KIAA1614: variants seen among roughly 807,000 people sequenced by gnomAD.
KIAA1614 encodes the protein uncharacterized protein KIAA1614.
KIAA1614 carries 76 observed loss-of-function variants against 88.7 expected under a neutral mutation model. That is an observed-to-expected ratio of 0.86 (90% CI 0.71 to 1.04). The LOEUF (loss-of-function observed/expected upper bound fraction) is 1.04. Among genes scored for constraint, KIAA1614 ranks in the 50% least tolerant of loss-of-function variants. The probability of loss-of-function intolerance (pLI) is 0.00; values close to 1 mark genes in which losing one functional copy is unlikely to be tolerated. For synonymous variants in KIAA1614, 714 were observed against 675.5 expected (o/e 1.06, Z -0.88); for missense variants, 1,553 against 1,582.5 (o/e 0.98, Z 0.32).
Position 180,916,837 on chromosome 1 carries a change from C to G in KIAA1614, c.734C>G (p.Pro245Arg). ...SPRTGRSYPF[P>R]DGVVTEADLD... ...AGGACAGGAAGGTCCTACCCTTTTC[C>G]AGATGGCGTGGTGACAGAGGCAGAT... The change falls in exon 2 of 9, where the codon CCA becomes CGA. Residue 245 changes from proline (P) to arginine (R), a missense_variant. By Grantham distance (103) the Pro-to-Arg change is moderately radical. Coordinates refer to ENST00000367588, the MANE Select transcript of KIAA1614 (RefSeq NM_020950.2). 6.2e-7 allele frequency: 1 copy of G among 1,614,222 alleles called. No homozygotes were observed. Among genetic ancestry groups the G allele is most frequent in the Non-Finnish European group, 8.5e-7 (1 of 1,180,044 alleles).
In KIAA1614 at chr1:180,941,099, C is replaced by G. The variant is rs1028980944; in HGVS notation, c.2973C>G (p.Asp991Glu). 1.9e-6 allele frequency: 3 copies of G among 1,588,884 alleles called. No homozygotes were observed. The highest frequency in any genetic ancestry group is 2.6e-6 in the Non-Finnish European group (3 of 1,165,982). The change falls in exon 7 of 9, where the codon GAC becomes GAG. Residue 991 changes from aspartate to glutamate, a missense_variant. Transcript: ENST00000367588. ...GCTCCCCCTCGGCTGCCCCTTTGGA[C>G]CAGAACAAGAAAAGGAGCAGCAGCA... ...GPGSPSAAPL[D>E]QNKKRSSSIA...
rs755011590 is a variant in KIAA1614, at chr1:180,917,129, TG to T, written c.997+35del. 5.7e-6 allele frequency: 9 copies of T among 1,575,306 alleles called. No individual in the cohort carries two copies. In the South Asian group the frequency reaches 6.8e-5, roughly 12 times the overall value. ...AAGCTCACTGTGTAGGTCCAGGTGG[TG>T]GGGGGAGCAGGAGGGAATCCAGAGG... On this transcript the variant is annotated intron_variant, in intron 2 of 8. Coordinates refer to ENST00000367588, the MANE Select transcript of KIAA1614 (RefSeq NM_020950.2).
rs1381407618 is a variant in KIAA1614, at chr1:180,917,933, C to T, written c.1061+19C>T. On this transcript the variant is annotated intron_variant, in intron 3 of 8. Coordinates refer to ENST00000367588, the MANE Select transcript of KIAA1614 (RefSeq NM_020950.2). ...AGAACAGGTAAGAGCTCAGAGCCCA[C>T]ATTTTCTCTCCCTCCCTCCTCACCA... The T allele has an allele frequency of 1.2e-6, 2 of 1,606,600 alleles. No homozygotes were observed. The highest frequency in any genetic ancestry group is 2.2e-5 in the East Asian group (1 of 44,844).
intron 8 of KIAA1614, 118 bp from the exon 9 acceptor site, chr1:180,945,185 C>T: frequency 1.6e-6 from 2 of 1,236,542 alleles, no homozygotes; most frequent in Non-Finnish European, 2.2e-6. Flanking sequence ...CAGCAGAACC[C>T]CAGCCTCCAA....
chr1:180,948,956 TAAA>T lies in KIAA1614; in HGVS notation c.*3370_*3372del, dbSNP rs1654667780. The stretch of plus-strand genomic sequence containing the variant: ...AAACCCACACTTCAGAGGCAGGCTT[TAAA>T]ACGCCTGACTTCTGTCAGGGCCACA... On this transcript the variant is annotated 3_prime_UTR_variant, in exon 9 of 9. Coordinates refer to ENST00000367588, the MANE Select transcript of KIAA1614 (RefSeq NM_020950.2). 1 of 152,258 alleles carries T rather than the reference TAAA, an allele frequency of 6.6e-6. No individual in the cohort carries two copies. Among genetic ancestry groups the T allele is most frequent in the African/African-American group, 2.4e-5 (1 of 41,472 alleles). 9.4% of individuals were successfully genotyped at this position (152,258 alleles called of 1,614,324 possible).
At chr1:180,915,525 T>C (rs1438683689) in intron 1 of KIAA1614, among the ~76,000 whole-genome samples, 2 of 152,248 alleles carry the variant, frequency 1.3e-5, no homozygotes, top group African/African-American at 4.8e-5. Flanking sequence ...TGCCCGTCTA[T>C]AAAATGGGGA....
chr1:180,917,186 G>A (rs1653836081), intron 2 of KIAA1614, 86 bp downstream of exon 2: 5 of 1,042,326 alleles, frequency 4.8e-6, no homozygotes, highest in Non-Finnish European at 5.7e-6. Flanking sequence ...GTCCCACAGA[G>A]GGAGTGGGGC....
Position 180,935,410 on chromosome 1 carries a change from G to T in KIAA1614, c.1501G>T (p.Ala501Ser). Residue 501 changes from alanine to serine, a missense_variant, in exon 5 of 9, where the codon GCT (alanine) becomes TCT (serine). Physicochemically the swap from Ala to Ser is moderately conservative, Grantham distance 99. Transcript: ENST00000367588. This position sits in a 1 kb window ranked among gnomAD's most constrained non-coding sequence, Gnocchi z 6.1. ...KPDLADYING[A>S]PRLRDAGQGT... ...CGACCTCGCCGACTACATCAACGGG[G>T]CTCCCCGGCTCCGGGACGCGGGGCA... is the stretch of plus-strand genomic sequence containing the variant. 2.0e-6 allele frequency: 3 copies of T among 1,472,230 alleles called. No homozygotes were observed. The highest frequency in any genetic ancestry group is 1.8e-6 in the Non-Finnish European group (2 of 1,118,188). The allele number at this position is 1,472,230 out of a possible 1,614,324, so 91.2% of individuals were successfully genotyped here.
At chr1:180,943,027 G>GTTTTTTTTTTTTTTTTTT (rs1261396134) in intron 7 of KIAA1614, among the ~76,000 whole-genome samples, 1 of 22,326 alleles carries the variant, frequency 4.5e-5, no homozygotes, top group African/African-American at 9.5e-5. Flanking sequence ...TAGTTTTTTG[G>GTTTTTTTTTTTTTTTTTT]GTTTTTTTTT....
chr1:180,950,302 T>C lies in KIAA1614; in HGVS notation c.*4714T>C. 8.8e-7 allele frequency: 1 copy of C among 1,140,448 alleles called. No homozygotes were observed. Among genetic ancestry groups the C allele is most frequent in the Non-Finnish European group, 1.1e-6 (1 of 910,748 alleles). 70.6% of individuals were successfully genotyped at this position (1,140,448 alleles called of 1,614,324 possible). A position where few individuals can be genotyped will look rare whatever the true frequency, so the allele number is the denominator to read the frequency against. On this transcript the variant is annotated 3_prime_UTR_variant, in exon 9 of 9. Transcript: ENST00000367588. ...ATTCCAGAGATGCACTTCTTCGATTTGGGTGTCATTGTGAAATTCTCCTGT... is the reference window on the plus strand; with the variant it reads ...ATTCCAGAGATGCACTTCTTCGATTCGGGTGTCATTGTGAAATTCTCCTGT...
chr1:180,936,205 G>A lies in KIAA1614; in HGVS notation c.2296G>A (p.Val766Ile), dbSNP rs776705423. The A allele has an allele frequency of 6.2e-7, 1 of 1,614,126 alleles. No individual in the cohort carries two copies. The highest frequency in any genetic ancestry group is 1.1e-5 in the South Asian group (1 of 91,076). ...ATCGGGGCCAGGAGGCCAGGCCCAG[G>A]TTACAGAAAGCCACGAGTCCCTGGA... ...ESSGPGGQAQ[V>I]TESHESLEIV... Residue 766 changes from valine (V) to isoleucine (I), a missense_variant, in exon 5 of 9, where the codon GTT (valine) becomes ATT (isoleucine). Transcript: ENST00000367588.
intron 7 of KIAA1614, chr1:180,944,172 G>A (rs1654530783): frequency 2.7e-6 from 1 of 373,264 alleles, no homozygotes; most frequent in Admixed American, 4.1e-5. Context: ...CAGCTAAAAA[G>A]CAAAACAAAA....
intron 5 of KIAA1614, among the ~76,000 whole-genome samples, chr1:180,938,073 G>T (rs1028543631): frequency 1.3e-5 from 2 of 152,200 alleles, no homozygotes; most frequent in African/African-American, 4.8e-5. Context: ...GATTCCACTT[G>T]CTGCCTAGCA....
chr1:180,946,884 C>T lies in KIAA1614; in HGVS notation c.*1296C>T, dbSNP rs1654608577. 6.6e-6 allele frequency: 1 copy of T among 152,248 alleles called. No homozygotes were observed. The highest frequency in any genetic ancestry group is 1.5e-5 in the Non-Finnish European group (1 of 68,054). 9.4% of individuals were successfully genotyped at this position (152,248 alleles called of 1,614,324 possible). A position where few individuals can be genotyped will look rare whatever the true frequency, so the allele number is the denominator to read the frequency against. On this transcript the variant is annotated 3_prime_UTR_variant, in exon 9 of 9. Coordinates refer to ENST00000367588, the MANE Select transcript of KIAA1614 (RefSeq NM_020950.2). ...ATGGAACAGACCAAATCCCTATCCT[C>T]ATGAATATACTACCCAGTGAGCAGT...
chr1:180,926,651 C>G (rs1041181827), intron 3 of KIAA1614, among the ~76,000 whole-genome samples: 1 of 152,364 alleles, frequency 6.6e-6, no homozygotes. Flanking sequence ...CCTCTGACAG[C>G]CGTGGAACCA....
chr1:180,932,761 T>TGTATGGAGTGTAGCAGCACTCA (rs990438600), intron 4 of KIAA1614, among the ~76,000 whole-genome samples: 12 of 6,028 alleles, frequency 2.0e-3, no homozygotes, highest in African/African-American at 2.1e-3. Flanking sequence ...GGTCTTGCTC[T>TGTATGGAGTGTAGCAGCACTCA]GTATGGAGTG....
At chr1:180,940,679 T>C (rs1475449430) in intron 6 of KIAA1614, among the ~76,000 whole-genome samples, 2 of 151,492 alleles carry the variant, frequency 1.3e-5, no homozygotes, top group Non-Finnish European at 2.9e-5. Flanking sequence ...TCTCTCTCTC[T>C]CCTTCCTTCC....
chr1:180,939,776 T>G (rs1654414055), intron 6 of KIAA1614, among the ~76,000 whole-genome samples: 1 of 152,206 alleles, frequency 6.6e-6, no homozygotes, highest in African/African-American at 2.4e-5. Flanking sequence ...CCGGCTGTGG[T>G]TGGTCCTGCT....
chr1:180,923,014 T>C (rs556957565), intron 3 of KIAA1614, among the ~76,000 whole-genome samples: 22 of 152,336 alleles, frequency 1.4e-4, no homozygotes, highest in African/African-American at 5.3e-4. Flanking sequence ...AACACTTTAC[T>C]TGCATTTACC....
Sources: gnomAD v4.1 joint callset for allele counts (sites outside exome capture counted in the v4.1 genomes callset) on GRCh38, gnomAD v4.1.1 for gene constraint, Gnocchi (gnomAD v3.1) non-coding constraint, MANE v1.5 for transcripts, NCBI Gene and HGNC (gene_info 2026-07-23, HGNC 2026-07-21) for gene names.